The following UTRN variants were observed in gnomAD, a reference collection of about 807,000 sequenced individuals.
UTRN encodes the protein dystrophin-related protein 1.
UTRN carries 283 observed loss-of-function variants against 463.9 expected under a neutral mutation model. The observed-to-expected ratio is 0.61, with a 90% CI of 0.55 to 0.67. The LOEUF (loss-of-function observed/expected upper bound fraction) is 0.67, where lower values mean the gene tolerates loss of function less well. UTRN is among the 30% of genes least tolerant of loss of function. The pLI, the probability that UTRN is intolerant of heterozygous loss-of-function variation, is 0.00. For synonymous variants in UTRN, 1,442 were observed against 1,431.5 expected (o/e 1.01, Z -0.17); for missense variants, 3,922 against 4,084.3 (o/e 0.96, Z 1.08).
intron 2 of UTRN, among the ~76,000 whole-genome samples, chr6:144,295,063 A>C (rs925983816): frequency 6.6e-6 from 1 of 152,200 alleles, no homozygotes; most frequent in African/African-American, 2.4e-5. Flanking sequence ...CAAGTACTGT[A>C]TTATTAACAG....
chr6:144,694,484 A>G (rs191150718), intron 52 of UTRN, among the ~76,000 whole-genome samples: 36 of 152,114 alleles, frequency 2.4e-4, no homozygotes, highest in Non-Finnish European at 4.4e-4. Context: ...TTCTTTGTAC[A>G]TCTGGTAGAA....
chr6:144,638,635 G>A (rs1298556779), intron 51 of UTRN, among the ~76,000 whole-genome samples: 1 of 152,104 alleles, frequency 6.6e-6, no homozygotes, highest in African/African-American at 2.4e-5. Flanking sequence ...TATCTGTTTG[G>A]AAAATTACAT....
At chr6:144,302,619 G>A (rs1359934749) in intron 2 of UTRN, among the ~76,000 whole-genome samples, 1 of 152,108 alleles carries the variant, frequency 6.6e-6, no homozygotes, top group Non-Finnish European at 1.5e-5. Context: ...TTAGATGCTG[G>A]GCTCAGAGAT....
At chr6:144,657,837 C>T (rs1029974752) in intron 51 of UTRN, among the ~76,000 whole-genome samples, 2 of 152,158 alleles carry the variant, frequency 1.3e-5, no homozygotes, top group African/African-American at 4.8e-5. Context: ...GAAGTTTGCC[C>T]AGCTGAGAAA....
At chr6:144,819,640 C>T (rs998790694) in intron 65 of UTRN, among the ~76,000 whole-genome samples, 6 of 152,054 alleles carry the variant, frequency 3.9e-5, no homozygotes, top group African/African-American at 1.4e-4. Context: ...TTGCAGTGAG[C>T]TGAGATCGTG....
chr6:144,714,026 G>A (rs1269101635), intron 53 of UTRN, among the ~76,000 whole-genome samples: 1 of 151,914 alleles, frequency 6.6e-6, no homozygotes, highest in Non-Finnish European at 1.5e-5. Flanking sequence ...TTCTGATTCA[G>A]GCATTATTTT....
chr6:144,732,505 T>C (rs1340191964), intron 54 of UTRN, among the ~76,000 whole-genome samples: 2 of 151,936 alleles, frequency 1.3e-5, no homozygotes, highest in Non-Finnish European at 2.9e-5. Flanking sequence ...ATATTCTCTC[T>C]CTTCCACTTT....
At chr6:144,308,239 A>G (rs1376218440) in intron 2 of UTRN, among the ~76,000 whole-genome samples, 1 of 152,016 alleles carries the variant, frequency 6.6e-6, no homozygotes, top group East Asian at 1.9e-4. Context: ...TAATTTCTCT[A>G]AGTTCTCTTT....
chr6:144,334,112 G>A (rs1347833437), intron 2 of UTRN, among the ~76,000 whole-genome samples: 1 of 152,114 alleles, frequency 6.6e-6, no homozygotes, highest in Non-Finnish European at 1.5e-5. Context: ...AGAGAATGAT[G>A]ATGATTTGCA....
chr6:144,811,551 C>T (rs901993689), intron 65 of UTRN, among the ~76,000 whole-genome samples: 1 of 152,124 alleles, frequency 6.6e-6, no homozygotes, highest in Non-Finnish European at 1.5e-5. Context: ...TATCATCCCA[C>T]TGATTCTTGA....
chr6:144,426,915 A>G (rs776443840), intron 7 of UTRN, among the ~76,000 whole-genome samples: 3 of 152,260 alleles, frequency 2.0e-5, no homozygotes, highest in Non-Finnish European at 4.4e-5. Context: ...AATAGCCAGT[A>G]GACTTCTGAG....
At chr6:144,719,718 T>G (rs1786900961) in intron 53 of UTRN, among the ~76,000 whole-genome samples, 2 of 152,168 alleles carry the variant, frequency 1.3e-5, no homozygotes, top group Admixed American at 1.3e-4. Flanking sequence ...GGAGATGACA[T>G]CAGACAGCAG....
intron 2 of UTRN, among the ~76,000 whole-genome samples, chr6:144,374,148 C>A (rs1176334298): frequency 6.6e-6 from 1 of 152,158 alleles, no homozygotes; most frequent in Non-Finnish European, 1.5e-5. Context: ...TAGGATAACG[C>A]TATGGAATGC....
At chr6:144,747,840 ATTC>A (rs1396999350) in intron 54 of UTRN, among the ~76,000 whole-genome samples, 2 of 152,218 alleles carry the variant, frequency 1.3e-5, no homozygotes, top group Admixed American at 1.3e-4. Flanking sequence ...ATTTATAGTC[ATTC>A]TTCATTAATT....
chr6:144,470,868 A>C (rs991653988), intron 23 of UTRN, among the ~76,000 whole-genome samples: 1 of 151,812 alleles, frequency 6.6e-6, no homozygotes, highest in South Asian at 2.1e-4. Context: ...CCACCAAAAA[A>C]TACAAAAACC....
At position 144,289,647 on chromosome 6, in the gene UTRN, CACTT is replaced by C. The variant is rs370872341; in HGVS notation, c.-92-2085_-92-2082del. ...CCAGATGCCCTTTAACAAGTTTTCC[CACTT>C]ACTTTATTTTTTTTGAGATGGAATT... On this transcript the variant is annotated intron_variant, in intron 1 of 74. Coordinates refer to ENST00000367545, the MANE Select transcript of UTRN (RefSeq NM_007124.3). Among the ~76,000 whole-genome samples the C allele has an allele frequency of 4.2e-4, 63 of 151,608 alleles. 3 individuals are homozygous for C. In the South Asian group the frequency reaches 0.012, roughly 29 times the overall value.
chr6:144,508,047 A>G (rs946529014), intron 34 of UTRN, among the ~76,000 whole-genome samples: 3 of 152,094 alleles, frequency 2.0e-5, no homozygotes, highest in African/African-American at 7.2e-5. Flanking sequence ...TGAGGGGAAA[A>G]CTGCCTACTC....
chr6:144,321,607 T>C (rs1213448205), intron 2 of UTRN, among the ~76,000 whole-genome samples: 1 of 151,488 alleles, frequency 6.6e-6, no homozygotes, highest in East Asian at 1.9e-4. Context: ...GTAGCTGAGA[T>C]TACAGGTGTG....
At chr6:144,452,098 G>C (rs543701197) in intron 18 of UTRN, among the ~76,000 whole-genome samples, 30 of 152,120 alleles carry the variant, frequency 2.0e-4, no homozygotes, top group Non-Finnish European at 4.0e-4. Flanking sequence ...CTAGTCTCCT[G>C]CCATCTTAAG....
Sources: gnomAD v4.1 joint callset for allele counts (sites outside exome capture counted in the v4.1 genomes callset) on GRCh38, gnomAD v4.1.1 for gene constraint, MANE v1.5 for transcripts, NCBI Gene and HGNC (gene_info 2026-07-23, HGNC 2026-07-21) for gene names.